Variants in STAT4 observed in about 807,000 individuals in gnomAD.
The protein encoded by STAT4 is signal transducer and activator of transcription 4.
Under a neutral mutation model 110.5 loss-of-function variants are expected in STAT4, and 42 were observed. The observed-to-expected ratio is 0.38, with a 90% CI of 0.30 to 0.49. The LOEUF (loss-of-function observed/expected upper bound fraction) is 0.49, where lower values mean the gene tolerates loss of function less well. Ranked by LOEUF, STAT4 falls within the 20% of genes least tolerant of loss-of-function variation. The probability of loss-of-function intolerance (pLI) is 0.95; values close to 1 mark genes in which losing one functional copy is unlikely to be tolerated. For synonymous variants in STAT4, 284 were observed against 302.2 expected, an observed-to-expected ratio of 0.94 and a Z score of 0.63; for missense variants, 632 against 887.9, an observed-to-expected ratio of 0.71 and a Z score of 3.66.
chr2:191,036,933 A>C (rs1354874214), intron 16 of STAT4, among the ~76,000 whole-genome samples: 1 of 152,202 alleles, frequency 6.6e-6, no homozygotes, highest in Non-Finnish European at 1.5e-5. Context: ...TGTTGTTCTT[A>C]AGACTGATGT....
chr2:191,128,210 C>G (rs977166188), intron 3 of STAT4, among the ~76,000 whole-genome samples: 1 of 152,148 alleles, frequency 6.6e-6, no homozygotes, highest in South Asian at 2.1e-4. Flanking sequence ...GAGTGCTTGA[C>G]GAATTGACTG....
intron 14 of STAT4, among the ~76,000 whole-genome samples, chr2:191,047,077 T>G (rs550046013): frequency 1.4e-3 from 217 of 152,242 alleles, no homozygotes; most frequent in African/African-American, 4.8e-3. Context: ...TGTAATGAAC[T>G]GTATGTAATG....
chr2:191,115,016 T>C (rs577704987), intron 3 of STAT4, among the ~76,000 whole-genome samples: 1 of 152,338 alleles, frequency 6.6e-6, no homozygotes, highest in African/African-American at 2.4e-5. Context: ...TTTTTCCCTC[T>C]ATATTTGGTA....
At chr2:191,119,929 T>C (rs1163042373) in intron 3 of STAT4, among the ~76,000 whole-genome samples, 3 of 152,216 alleles carry the variant, frequency 2.0e-5, no homozygotes, top group Non-Finnish European at 2.9e-5. Flanking sequence ...AAGAAATGGC[T>C]CTGGGTCAAT....
intron 3 of STAT4, among the ~76,000 whole-genome samples, chr2:191,136,163 T>C (rs1420135881): frequency 1.3e-5 from 2 of 152,056 alleles, no homozygotes; most frequent in Admixed American, 6.6e-5. Flanking sequence ...TCAATAGATA[T>C]AGAAAAAGCA....
At chr2:191,075,997 G>A in intron 4 of STAT4, 1 of 459,676 alleles carries the variant, frequency 2.2e-6, no homozygotes, top group Non-Finnish European at 4.0e-6. Context: ...CTATAGGCAT[G>A]TGCCACCATA....
chr2:191,136,024 C>CAAAAAAAAA lies in STAT4; in HGVS notation c.273+10588_273+10589insTTTTTTTTT, dbSNP rs1699173501. On this transcript the variant is annotated intron_variant, in intron 3 of 23. Coordinates refer to ENST00000392320, the MANE Select transcript of STAT4 (RefSeq NM_003151.4). ...ATCTCAGAAAAAAAAAAAAAAAAAC[C>CAAAAAAAAA]AAAAAACAAAAAACCAATGTGATCA... Among the ~76,000 whole-genome samples, 25 of 43,710 alleles carry CAAAAAAAAA rather than the reference C, an allele frequency of 5.7e-4. 1 individual carries two copies. The highest frequency in any genetic ancestry group is 1.5e-3 in the African/African-American group (24 of 15,510). 28.7% of individuals were successfully genotyped at this position (43,710 alleles called of 152,430 possible).
At chr2:191,130,599 G>A (rs1699009829) in intron 3 of STAT4, among the ~76,000 whole-genome samples, 1 of 151,600 alleles carries the variant, frequency 6.6e-6, no homozygotes, top group African/African-American at 2.4e-5. Flanking sequence ...GTGTCCTGCA[G>A]TTCATTTGCT....
intron 3 of STAT4, among the ~76,000 whole-genome samples, chr2:191,137,180 T>G (rs377066956): frequency 6.6e-6 from 1 of 151,566 alleles, no homozygotes; most frequent in Admixed American, 6.6e-5. Context: ...CCGTCTCTAG[T>G]AAAAATACAA....
chr2:191,122,049 A>G (rs928367559), intron 3 of STAT4: 3 of 152,278 alleles, frequency 2.0e-5, no homozygotes, highest in Non-Finnish European at 4.4e-5. Flanking sequence ...AAAGCATTCC[A>G]TATTTTTTTT....
At chr2:191,074,896 C>T (rs569513233) in intron 4 of STAT4, among the ~76,000 whole-genome samples, 1 of 152,264 alleles carries the variant, frequency 6.6e-6, no homozygotes, top group African/African-American at 2.4e-5. Context: ...GGCGGTGGCT[C>T]ACACCTGTAA....
rs931479139 is a variant in STAT4, at chr2:191,037,570, C to G, written c.1435-1271G>C. Among the ~76,000 whole-genome samples, 1 of 152,148 alleles carries G rather than the reference C, an allele frequency of 6.6e-6. No homozygotes were observed. The highest frequency in any genetic ancestry group is 6.5e-5 in the Admixed American group (1 of 15,282). On this transcript the variant is annotated intron_variant, in intron 16 of 23. Transcript: ENST00000392320. This position sits in a 1 kb window ranked among gnomAD's most constrained non-coding sequence, Gnocchi z 4.8. The stretch of plus-strand genomic sequence containing the variant: ...TACTGGAAAACAGATGTGTGAAACT[C>G]AAGAAACATGTTTCAAGAAGAGGAA...
chr2:191,136,012 A>AAG (rs1377422899), intron 3 of STAT4, among the ~76,000 whole-genome samples: 12 of 118,946 alleles, frequency 1.0e-4, no homozygotes. Flanking sequence ...TCAGAAAAAA[A>AAG]AAAAAAAAAA....
chr2:191,133,864 C>A (rs1699108245), intron 3 of STAT4, among the ~76,000 whole-genome samples: 1 of 147,976 alleles, frequency 6.8e-6, no homozygotes, highest in African/African-American at 2.6e-5. Context: ...TCATAATAGC[C>A]AAAAATGAAT....
In STAT4 at chr2:191,077,217, C is replaced by T. The variant is rs1697340609; in HGVS notation, c.274-892G>A. ...TAATTCAGCCATCAGTTACTTGGTG[C>T]AAATTAAAATACTGGAATCCCTTTG... On this transcript the variant is annotated intron_variant, in intron 3 of 23. Transcript: ENST00000392320. The surrounding 1 kb of genome is among the most constrained non-coding windows in gnomAD (Gnocchi z 4.1). 6.6e-6 allele frequency among the ~76,000 whole-genome samples: 1 copy of T among 152,158 alleles called. No homozygotes were observed. The highest frequency in any genetic ancestry group is 2.4e-5 in the African/African-American group (1 of 41,442).
intron 5 of STAT4, among the ~76,000 whole-genome samples, chr2:191,070,661 C>T (rs970200254): frequency 1.3e-5 from 2 of 152,334 alleles, no homozygotes; most frequent in Non-Finnish European, 2.9e-5. Context: ...ATATCTACCA[C>T]AGCAATGCTC....
intron 3 of STAT4, among the ~76,000 whole-genome samples, chr2:191,093,130 C>A (rs1697851815): frequency 6.6e-6 from 1 of 152,202 alleles, no homozygotes; most frequent in Admixed American, 6.5e-5. Context: ...CGTAGATGAA[C>A]AAAAGGCAGC....
At chr2:191,034,287 G>T (rs922252997) in intron 18 of STAT4, among the ~76,000 whole-genome samples, 10 of 152,142 alleles carry the variant, frequency 6.6e-5, no homozygotes, top group Admixed American at 3.9e-4. Flanking sequence ...GCCGGGCGTG[G>T]TGGTGGGTGC....
rs1335028368 is a variant in STAT4, at chr2:191,116,365, C to T, written c.273+30248G>A. ...TGTGGCTGTGCAATTACTTTGCAAG[C>T]TAAAATTTAGATAAAGAAGAATCAG... On this transcript the variant is annotated intron_variant, in intron 3 of 23. Coordinates refer to ENST00000392320, the MANE Select transcript of STAT4 (RefSeq NM_003151.4). The surrounding 1 kb of genome is among the most constrained non-coding windows in gnomAD (Gnocchi z 4.1). Among the ~76,000 whole-genome samples the T allele has an allele frequency of 1.3e-5, 2 of 151,988 alleles. No individual in the cohort carries two copies. Among genetic ancestry groups the T allele is most frequent in the East Asian group, 3.9e-4 (2 of 5,188 alleles).
Sources: gnomAD v4.1 joint callset for allele counts (sites outside exome capture counted in the v4.1 genomes callset) on GRCh38, gnomAD v4.1.1 for gene constraint, Gnocchi (gnomAD v3.1) non-coding constraint, MANE v1.5 for transcripts, NCBI Gene and HGNC (gene_info 2026-07-23, HGNC 2026-07-21) for gene names.